The following RUBCNL variants were observed in gnomAD, a reference collection of about 807,000 sequenced individuals.
The protein encoded by RUBCNL is rubicon like autophagy enhancer.
Under a neutral mutation model 69.5 loss-of-function variants are expected in RUBCNL, and 62 were observed. The ratio of observed to expected loss-of-function variants is 0.89; its 90% CI spans 0.73 to 1.10. RUBCNL has a LOEUF of 1.10. Among genes scored for constraint, RUBCNL ranks in the 50% least tolerant of loss-of-function variants. RUBCNL has a pLI of 0.00. For missense variants in RUBCNL, 768 were observed against 798.1 expected (o/e 0.96, Z 0.45); for synonymous variants, 291 against 303.6 (o/e 0.96, Z 0.43).
At chr13:46,346,259 C>A (rs1322317778) in intron 12 of RUBCNL, among the ~76,000 whole-genome samples, 1 of 152,190 alleles carries the variant, frequency 6.6e-6, no homozygotes, top group Non-Finnish European at 1.5e-5. Flanking sequence ...GCTACAATGC[C>A]AAATTCTCTT....
chr13:46,372,686 T>A, intron 2 of RUBCNL, 89 bp from the exon 3 acceptor site: 1 of 1,247,496 alleles, frequency 8.0e-7, no homozygotes, highest in Admixed American at 2.9e-5. Context: ...ACCCAAAAAA[T>A]TTAGAAGTCT....
chr13:46,373,955 C>G lies in RUBCNL; in HGVS notation c.-122-1358G>C, dbSNP rs142947534. Among the ~76,000 whole-genome samples the G allele has an allele frequency of 1.3e-3, 199 of 152,354 alleles. 1 individual carries two copies. Among genetic ancestry groups the G allele is most frequent in the South Asian group, 0.012 (57 of 4,830 alleles). ...CTTTTCCCTCTTCCAATTGCCCAAG[C>G]CTGAAACTTAGGAGTCATTTCTGAT... On this transcript the variant is annotated intron_variant, in intron 2 of 14. Coordinates refer to ENST00000429979, the MANE Select transcript of RUBCNL (RefSeq NM_025113.5).
At chr13:46,373,280 A>G (rs1299766792) in intron 2 of RUBCNL, among the ~76,000 whole-genome samples, 4 of 152,138 alleles carry the variant, frequency 2.6e-5, no homozygotes, top group African/African-American at 9.7e-5. Flanking sequence ...AGCCATTTCC[A>G]TATGTTCTTA....
intron 6 of RUBCNL, 102 bp downstream of exon 6, chr13:46,363,013 A>G: frequency 6.9e-6 from 2 of 289,038 alleles, no homozygotes; most frequent in Non-Finnish European, 6.1e-6. Context: ...GTTGGTTTGA[A>G]TGCCACTGTA....
chr13:46,384,083 A>C (rs892994894), intron 1 of RUBCNL, among the ~76,000 whole-genome samples: 5 of 152,228 alleles, frequency 3.3e-5, no homozygotes, highest in African/African-American at 1.2e-4. Flanking sequence ...AGATCACCAT[A>C]AAACCAAGCC....
At chr13:46,345,840 A>G (rs1317570141) in intron 12 of RUBCNL, among the ~76,000 whole-genome samples, 1 of 152,256 alleles carries the variant, frequency 6.6e-6, no homozygotes, top group Non-Finnish European at 1.5e-5. Flanking sequence ...CTGAATAAGC[A>G]GAGACCTGTA....
chr13:46,339,046 CAAA>C lies in RUBCNL; in HGVS notation c.*4336_*4338del, dbSNP rs57707207. ...TGGGCGACAGAGCGAGACCCTGTCT[CAAA>C]AAAAAAAAAAAAAGTGCAAGGAAAA... On this transcript the variant is annotated 3_prime_UTR_variant, in exon 15 of 15. Coordinates refer to ENST00000429979, the MANE Select transcript of RUBCNL (RefSeq NM_025113.5). Among the ~76,000 whole-genome samples, 68 of 128,842 alleles carry C rather than the reference CAAA, an allele frequency of 5.3e-4. No individual in the cohort carries two copies. The highest frequency in any genetic ancestry group is 3.8e-3 in the South Asian group (15 of 3,922). The allele number at this position is 128,842 out of a possible 152,430, so 84.5% of individuals were successfully genotyped here.
chr13:46,388,213 A>AC (rs2049291031), upstream of RUBCNL, among the ~76,000 whole-genome samples: 1 of 149,170 alleles, frequency 6.7e-6, no homozygotes, highest in South Asian at 2.1e-4. Flanking sequence ...AAAAAAAAAA[A>AC]AAAAAAACAG....
chr13:46,348,446 A>G (rs4941553), intron 12 of RUBCNL, among the ~76,000 whole-genome samples: 19,771 of 152,088 alleles, frequency 0.13, 2,703 homozygotes, highest in East Asian at 0.43. Flanking sequence ...TAAATTCTCC[A>G]TTATACGGTT....
At chr13:46,349,675 C>T (rs2048326773) in intron 11 of RUBCNL, among the ~76,000 whole-genome samples, 1 of 150,508 alleles carries the variant, frequency 6.6e-6, no homozygotes, top group African/African-American at 2.5e-5. Context: ...GTAAGCTTCA[C>T]TAATTTTTTT....
In RUBCNL at chr13:46,343,188, C is replaced by G; in HGVS notation, c.*197G>C. ...AAAACAGAACATTTGTAAACAAAAC[C>G]ACAACTATCAGCCCTGTGCTTAAAC... is the stretch of plus-strand genomic sequence containing the variant. On this transcript the variant is annotated 3_prime_UTR_variant, in exon 15 of 15. Coordinates refer to ENST00000429979, the MANE Select transcript of RUBCNL (RefSeq NM_025113.5). The G allele has an allele frequency of 1.2e-6, 1 of 855,940 alleles. No individual in the cohort carries two copies. Among genetic ancestry groups the G allele is most frequent in the Non-Finnish European group, 1.7e-6 (1 of 585,862 alleles). The allele number at this position is 855,940 out of a possible 1,614,324, so 53.0% of individuals were successfully genotyped here. A position where few individuals can be genotyped will look rare whatever the true frequency, so the allele number is the denominator to read the frequency against.
Position 46,340,764 on chromosome 13 carries a change from AG to A in RUBCNL, c.*2620del, listed in dbSNP as rs1464615458. Among the ~76,000 whole-genome samples the A allele has an allele frequency of 1.3e-5, 2 of 152,130 alleles. No individual in the cohort carries two copies. Among genetic ancestry groups the A allele is most frequent in the African/African-American group, 4.8e-5 (2 of 41,410 alleles). On this transcript the variant is annotated 3_prime_UTR_variant, in exon 15 of 15. Coordinates refer to ENST00000429979, the MANE Select transcript of RUBCNL (RefSeq NM_025113.5). ...GAAACAGAGGAGGCAAAGAGAGGGC[AG>A]GGAGGTGCCAGGCTTCATAACAACC...
intron 10 of RUBCNL, 34 bp from the exon 11 acceptor site, chr13:46,350,385 T>A: frequency 6.8e-7 from 1 of 1,467,526 alleles, no homozygotes. Context: ...GTGCCACACC[T>A]GGTGCTGAAA....
intron 2 of RUBCNL, among the ~76,000 whole-genome samples, chr13:46,375,070 A>T (rs1159967783): frequency 6.6e-6 from 1 of 152,004 alleles, no homozygotes; most frequent in Non-Finnish European, 1.5e-5. Context: ...TTTTTAGTTC[A>T]TTACCGCCAT....
intron 4 of RUBCNL, chr13:46,368,496 T>TG: frequency 2.0e-6 from 2 of 985,368 alleles, no homozygotes; most frequent in Non-Finnish European, 2.4e-6. Context: ...AACCTTAGGT[T>TG]GGGGGAAGCC....
intron 4 of RUBCNL, 80 bp from the exon 5 acceptor site, chr13:46,368,329 T>C: frequency 1.4e-6 from 2 of 1,472,412 alleles, no homozygotes; most frequent in Non-Finnish European, 1.8e-6. Flanking sequence ...AAAATCAATA[T>C]GCTCTATTTA....
upstream of RUBCNL, among the ~76,000 whole-genome samples, chr13:46,389,612 T>C (rs1467117449): frequency 3.3e-5 from 5 of 152,186 alleles, no homozygotes; most frequent in Admixed American, 1.3e-4. The surrounding 1 kb of genome is among the most constrained non-coding windows in gnomAD (Gnocchi z 4.2). Flanking sequence ...AAATCACCTT[T>C]CTCAAAACTG....
At chr13:46,367,416 A>G (rs1184158860) in intron 5 of RUBCNL, among the ~76,000 whole-genome samples, 2 of 152,242 alleles carry the variant, frequency 1.3e-5, no homozygotes, top group Non-Finnish European at 2.9e-5. Flanking sequence ...CATGTGACAG[A>G]AAACAAAGGA....
At chr13:46,378,975 A>G (rs947134088) in intron 1 of RUBCNL, among the ~76,000 whole-genome samples, 1 of 152,114 alleles carries the variant, frequency 6.6e-6, no homozygotes, top group Non-Finnish European at 1.5e-5. Context: ...CCCCTCCCAA[A>G]CAGTTCCTAT....
Sources: gnomAD v4.1 joint callset for allele counts (sites outside exome capture counted in the v4.1 genomes callset) on GRCh38, gnomAD v4.1.1 for gene constraint, Gnocchi (gnomAD v3.1) non-coding constraint, MANE v1.5 for transcripts, NCBI Gene and HGNC (gene_info 2026-07-23, HGNC 2026-07-21) for gene names.